ZNF709: variants seen among roughly 807,000 people sequenced by gnomAD.
ZNF709 encodes zinc finger protein 709.
In ZNF709, 15 loss-of-function variants were observed where a neutral mutation model predicts 10.6. The observed-to-expected ratio is 1.41, with a 90% CI of 0.95 to 2.18. The LOEUF (loss-of-function observed/expected upper bound fraction) is 2.18. Among genes scored for constraint, ZNF709 ranks in the 30% most tolerant of loss-of-function variants. The pLI is 0.00. For missense variants in ZNF709, 589 were observed against 774.0 expected, an observed-to-expected ratio of 0.76 and a Z score of 2.84; for synonymous variants, 194 against 238.8, an observed-to-expected ratio of 0.81 and a Z score of 1.73.
chr19:12,478,837 T>C (rs1461911439), intron 1 of ZNF709, among the ~76,000 whole-genome samples: 2 of 152,180 alleles, frequency 1.3e-5, no homozygotes, highest in Non-Finnish European at 2.9e-5. Context: ...TTTTTCAGCT[T>C]GCCCAGGTGT....
rs771304417 is a variant in ZNF709, at chr19:12,464,105, T to C, written c.1817A>G (p.His606Arg). 1.9e-6 allele frequency: 3 copies of C among 1,563,340 alleles called. No individual in the cohort carries two copies. Among genetic ancestry groups the C allele is most frequent in the Non-Finnish European group, 2.6e-6 (3 of 1,159,724 alleles). ...AFSCSRSFRI[H>R]ERTHTGEKPY... is the part of the protein sequence containing the mutation. ...TTTCTCTCCAGTGTGAGTTCGTTCA[T>C]GGATTCGAAAGGAACGTGAGCAACT... is the stretch of plus-strand genomic sequence containing the variant. Residue 606 changes from histidine to arginine, a missense_variant, in exon 4 of 4, where the codon CAT becomes CGT. Physicochemically the swap from His to Arg is conservative, Grantham distance 29. Coordinates refer to ENST00000397732, the MANE Select transcript of ZNF709 (RefSeq NM_152601.4).
At chr19:12,465,794 T>A in intron 3 of ZNF709, 61 bp from the exon 4 acceptor site, 2 of 1,219,758 alleles carry the variant, frequency 1.6e-6, no homozygotes, top group Non-Finnish European at 2.2e-6. Flanking sequence ...AATAATTTTA[T>A]AATTATTGAT....
chr19:12,477,192 T>C (rs540395857), intron 1 of ZNF709, among the ~76,000 whole-genome samples: 1 of 152,300 alleles, frequency 6.6e-6, no homozygotes, highest in Non-Finnish European at 1.5e-5. Context: ...TCTCTCCAAG[T>C]TTAAGAAAGG....
rs190737977 is a variant in ZNF709 at position 12,480,638 on chromosome 19, G to A, written c.3+4017C>T. Among the ~76,000 whole-genome samples, 224 of 150,582 alleles carry A rather than the reference G, an allele frequency of 1.5e-3. 2 individuals are homozygous for A. In the East Asian group the frequency reaches 0.036, roughly 24 times the overall value. Reference sequence around the variant, plus strand: ...GCAGAGCTTGCGGTGAGCCGAGATCGCGCCACTGCACTCTAGCCTGGGCGA... The same window carrying A: ...GCAGAGCTTGCGGTGAGCCGAGATCACGCCACTGCACTCTAGCCTGGGCGA... On this transcript the variant is annotated intron_variant, in intron 1 of 3. Coordinates refer to ENST00000397732, the MANE Select transcript of ZNF709 (RefSeq NM_152601.4).
At position 12,465,171 on chromosome 19, in the gene ZNF709, G is replaced by A; in HGVS notation, c.751C>T (p.Pro251Ser). 1 of 1,613,828 alleles carries A rather than the reference G, an allele frequency of 6.2e-7. No homozygotes were observed. Residue 251 changes from proline (P) to serine (S), a missense_variant, in exon 4 of 4, where the codon CCC (proline) becomes TCC (serine). Coordinates refer to ENST00000397732, the MANE Select transcript of ZNF709 (RefSeq NM_152601.4). ...NHERTHSGEK[P>S]YECKQCGKAF... ...TTTCCACATTGTTTACATTCATAGG[G>A]TTTCTCTCCAGAGTGAGTTCTTTCA...
chr19:12,465,339 G>A lies in ZNF709; in HGVS notation c.583C>T (p.Pro195Ser), dbSNP rs753172455. Residue 195 changes from proline (P) to serine (S), a missense_variant, in exon 4 of 4, where the codon CCT becomes TCT. By Grantham distance (74) the Pro-to-Ser change is moderately conservative (BLOSUM62 -1). This residue lies in a region of ZNF709 where 418 missense variants were observed against 496.3 expected (regional missense o/e 0.84). Coordinates refer to ENST00000397732, the MANE Select transcript of ZNF709 (RefSeq NM_152601.4). ...IHERTHTGEK[P>S]YECKECGKAF... ...TTCCCACATTCCTTACATTCATAAG[G>A]TTTCTCTCCAGTATGAGTTCTTTCA... 12 of 1,613,012 alleles carry A rather than the reference G, an allele frequency of 7.4e-6. No individual in the cohort carries two copies. The highest frequency in any genetic ancestry group is 1.0e-5 in the Non-Finnish European group (12 of 1,179,692).
intron 1 of ZNF709, among the ~76,000 whole-genome samples, chr19:12,483,273 T>A (rs1452399342): frequency 3.3e-5 from 5 of 150,988 alleles, no homozygotes; most frequent in Non-Finnish European, 7.4e-5. Flanking sequence ...CCCAAGTAGC[T>A]GGGACTACAA....
In ZNF709 at chr19:12,484,678, C is replaced by T; in HGVS notation, c.-21G>A. The T allele has an allele frequency of 1.9e-6, 3 of 1,614,074 alleles. No individual in the cohort carries two copies. The highest frequency in any genetic ancestry group is 2.5e-6 in the Non-Finnish European group (3 of 1,179,958). On this transcript the variant is annotated 5_prime_UTR_variant, in exon 1 of 4. Coordinates refer to ENST00000397732, the MANE Select transcript of ZNF709 (RefSeq NM_152601.4). ...ACCATTTCCCAGACTCTGGGATGTC[C>T]TGGTGTTCTGTTTACCTCTCCCGCG...
rs1970512507 is a variant in ZNF709 at position 12,461,323 on chromosome 19, T to C, written c.*2673A>G. 1 of 152,172 alleles carries C rather than the reference T, an allele frequency of 6.6e-6. No individual in the cohort carries two copies. Among genetic ancestry groups the C allele is most frequent in the Non-Finnish European group, 1.5e-5 (1 of 68,030 alleles). 9.4% of individuals were successfully genotyped at this position (152,172 alleles called of 1,614,324 possible). On this transcript the variant is annotated 3_prime_UTR_variant, in exon 4 of 4. Transcript: ENST00000397732. ...CTTTTGTTCAACAAAAACATACACA[T>C]GGTTTTTAATCACATATAATGAAAC... is the stretch of plus-strand genomic sequence containing the variant.
rs1970547942 is a variant in ZNF709 at position 12,464,514 on chromosome 19, G to A, written c.1408C>T (p.His470Tyr). The A allele has an allele frequency of 6.2e-7, 1 of 1,612,988 alleles. No individual in the cohort carries two copies. Among genetic ancestry groups the A allele is most frequent in the South Asian group, 1.1e-5 (1 of 90,956 alleles). Residue 470 changes from histidine to tyrosine, a missense_variant, in exon 4 of 4, where the codon CAC becomes TAC. Physicochemically the swap from His to Tyr is moderately conservative, Grantham distance 83. Transcript: ENST00000397732. ...CATTCATAGGGTTTCTCTCCAGTGTGAATTCTTTCATGCATTCGAAAGGAA... is the reference window on the plus strand; with the variant it reads ...CATTCATAGGGTTTCTCTCCAGTGTAAATTCTTTCATGCATTCGAAAGGAA... ...SSSFRMHERI[H>Y]TGEKPYECKQ...
intron 1 of ZNF709, among the ~76,000 whole-genome samples, chr19:12,477,707 T>C (rs1187148296): frequency 6.6e-6 from 1 of 152,230 alleles, no homozygotes; most frequent in Non-Finnish European, 1.5e-5. Context: ...GAGGCTCTTT[T>C]ATCTTTTTTG....
chr19:12,468,097 C>T (rs1970599037), intron 1 of ZNF709, among the ~76,000 whole-genome samples: 1 of 149,658 alleles, frequency 6.7e-6, no homozygotes, highest in Non-Finnish European at 1.5e-5. Flanking sequence ...GCCCGGCCAG[C>T]CGCCCAGTCC....
intron 1 of ZNF709, among the ~76,000 whole-genome samples, chr19:12,475,404 T>C (rs763012394): frequency 3.3e-5 from 5 of 151,448 alleles, no homozygotes; most frequent in African/African-American, 4.9e-5. Context: ...TTTGAAAAGA[T>C]CAATATATTT....
At chr19:12,484,539 G>T in intron 1 of ZNF709, 116 bp downstream of exon 1, 1 of 1,430,720 alleles carries the variant, frequency 7.0e-7, no homozygotes, top group Non-Finnish European at 9.7e-7. Context: ...GGAGGACTCG[G>T]GTCCACAGAC....
chr19:12,473,457 A>T (rs1347772198), intron 1 of ZNF709, among the ~76,000 whole-genome samples: 1 of 152,262 alleles, frequency 6.6e-6, no homozygotes, highest in Non-Finnish European at 1.5e-5. Context: ...CCATCTATGA[A>T]GCAGGATGGA....
chr19:12,465,911 A>G (rs1426395424), intron 3 of ZNF709, among the ~76,000 whole-genome samples, 178 bp from the exon 4 acceptor site: 1 of 151,966 alleles, frequency 6.6e-6, no homozygotes, highest in African/African-American at 2.4e-5. Flanking sequence ...TATTATCAAA[A>G]CAATAAAATT....
At position 12,466,531 on chromosome 19, in the gene ZNF709, G is replaced by T. The variant is rs992096324; in HGVS notation, c.131-12C>A. 6.2e-6 allele frequency: 10 copies of T among 1,613,474 alleles called. No homozygotes were observed. The highest frequency in any genetic ancestry group is 8.5e-6 in the Non-Finnish European group (10 of 1,179,906). On this transcript the variant is annotated splice_polypyrimidine_tract_variant and intron_variant, in intron 2 of 3. Coordinates refer to ENST00000397732, the MANE Select transcript of ZNF709 (RefSeq NM_152601.4). ...CTCCCAGTTTTCCCCTAAAATGCAG[G>T]CCCAGAAAAATCATTAAACCTATTC...
rs191676057 is a variant in ZNF709, at chr19:12,466,556, C to T, written c.131-37G>A. Reference sequence around the variant, plus strand: ...GCCCAGAAAAATCATTAAACCTATTCGAAATTACAGAAAAATTATTAGATT... The same window carrying T: ...GCCCAGAAAAATCATTAAACCTATTTGAAATTACAGAAAAATTATTAGATT... On this transcript the variant is annotated intron_variant, in intron 2 of 3. Coordinates refer to ENST00000397732, the MANE Select transcript of ZNF709 (RefSeq NM_152601.4). 1,249 of 1,610,830 alleles carry T rather than the reference C, an allele frequency of 7.8e-4. 5 individuals are homozygous for T. The highest frequency in any genetic ancestry group is 6.3e-3 in the Middle Eastern group (38 of 6,054).
chr19:12,465,834 T>G, intron 3 of ZNF709, 101 bp from the exon 4 acceptor site: 2 of 1,007,166 alleles, frequency 2.0e-6, no homozygotes. Flanking sequence ...GGTAGTAGAA[T>G]TACACTTTTG....
Sources: allele counts gnomAD v4.1 joint callset (sites outside exome capture counted in the v4.1 genomes callset), GRCh38; gene constraint gnomAD v4.1.1; regional missense constraint gnomAD v4.1.1; transcripts MANE v1.5; gene names NCBI Gene and HGNC (gene_info 2026-07-23, HGNC 2026-07-21).